Variants in ABCA9 observed in about 807,000 individuals in gnomAD.
ABCA9 encodes ATP-binding cassette sub-family A member 9.
A neutral mutation model predicts 205.3 loss-of-function variants in ABCA9; 183 were observed. The ratio of observed to expected loss-of-function variants is 0.89; its 90% CI spans 0.79 to 1.01. The LOEUF (loss-of-function observed/expected upper bound fraction) is 1.01, where lower values mean the gene tolerates loss of function less well. ABCA9 is among the 50% of genes least tolerant of loss of function. The probability of loss-of-function intolerance (pLI) is 0.00; values close to 1 mark genes in which losing one functional copy is unlikely to be tolerated. For missense variants in ABCA9, 1,805 were observed against 1,912.4 expected, an observed-to-expected ratio of 0.94 and a Z score of 1.05; for synonymous variants, 651 against 683.3, an observed-to-expected ratio of 0.95 and a Z score of 0.74.
rs550624795 is a variant in ABCA9, at chr17:69,055,207, T to C, written c.-13-4068A>G. On this transcript the variant is annotated intron_variant, in intron 1 of 38. Coordinates refer to ENST00000340001, the MANE Select transcript of ABCA9 (RefSeq NM_080283.4). ...AAATGCACCAATTAAAAGACAGAGA[T>C]TGTCAGAGTAGATGACAAAAAAGAT... Among the ~76,000 whole-genome samples, 38 of 152,206 alleles carry C rather than the reference T, an allele frequency of 2.5e-4. No individual in the cohort carries two copies. In the South Asian group the frequency reaches 7.7e-3, roughly 31 times the overall value.
At position 69,033,874 on chromosome 17, in the gene ABCA9, C is replaced by A; in HGVS notation, c.1129-1G>T. Reference sequence around the variant, plus strand: ...TCACATCATAGTCCAAATGTATAAGCTGAAAAAGAAAGATACAGTGAATTT... The same window carrying A: ...TCACATCATAGTCCAAATGTATAAGATGAAAAAGAAAGATACAGTGAATTT... On this transcript the variant is annotated splice_acceptor_variant, in intron 8 of 38. Transcript: ENST00000340001. LOFTEE classifies it high-confidence loss of function. 1.9e-6 allele frequency: 3 copies of A among 1,581,278 alleles called. No homozygotes were observed. Among genetic ancestry groups the A allele is most frequent in the Non-Finnish European group, 1.7e-6 (2 of 1,161,536 alleles).
At chr17:69,060,790 C>G (rs2072219914) in intron 1 of ABCA9, 76 bp downstream of exon 1, 1 of 907,834 alleles carries the variant, frequency 1.1e-6, no homozygotes, top group East Asian at 1.2e-4. Flanking sequence ...TCTACCTAAA[C>G]GTCTGGCATG....
the ABCA9 span, among the ~76,000 whole-genome samples, chr17:69,078,243 C>T: frequency 1.4e-5 from 2 of 143,858 alleles, no homozygotes; most frequent in Non-Finnish European, 3.0e-5. Context: ...CTCACTCTGT[C>T]ACCCAGGCTG....
chr17:69,048,587 G>A (rs2071797407), intron 3 of ABCA9, among the ~76,000 whole-genome samples: 1 of 152,164 alleles, frequency 6.6e-6, no homozygotes, highest in Non-Finnish European at 1.5e-5. Flanking sequence ...ACATGGGTGA[G>A]AGAATGAGAC....
intron 37 of ABCA9, among the ~76,000 whole-genome samples, chr17:68,979,194 T>C (rs372058043): frequency 2.0e-5 from 3 of 151,956 alleles, no homozygotes; most frequent in Admixed American, 2.0e-4. Context: ...TTGCTTCAAA[T>C]AGAATAAAAT....
At chr17:69,044,464 A>G in intron 5 of ABCA9, 33 bp downstream of exon 5, 1 of 1,574,786 alleles carries the variant, frequency 6.4e-7, no homozygotes, top group Non-Finnish European at 8.7e-7. Context: ...ATTCAAATGC[A>G]ATGTGGTTAG....
intron 37 of ABCA9, among the ~76,000 whole-genome samples, chr17:68,980,834 C>T (rs2069029003): frequency 6.6e-6 from 1 of 151,178 alleles, no homozygotes; most frequent in Non-Finnish European, 1.5e-5. Flanking sequence ...TTACTGGGTG[C>T]AGCACACCAA....
chr17:69,041,146 A>G (rs2071520308), intron 6 of ABCA9, among the ~76,000 whole-genome samples: 2 of 152,242 alleles, frequency 1.3e-5, no homozygotes, highest in African/African-American at 4.8e-5. Context: ...TATTTAAAGT[A>G]GAAAATGCCA....
intron 16 of ABCA9, 64 bp downstream of exon 16, chr17:69,026,313 T>C: frequency 1.5e-6 from 2 of 1,340,596 alleles, no homozygotes; most frequent in Non-Finnish European, 2.1e-6. Context: ...ACATTGATGC[T>C]GATACCACCT....
At position 69,018,565 on chromosome 17, in the gene ABCA9, C is replaced by T; in HGVS notation, c.2615G>A (p.Gly872Asp). Reference protein sequence around the residue: ...KSLWTILLLFGISFIPQLLEH... With the variant: ...KSLWTILLLFDISFIPQLLEH... Reference sequence around the variant, plus strand: ...CAAAAGTTGAGGGATAAAGCTAATACCAAAAAGCAATAATCTATGCAGAGG... The same window carrying T: ...CAAAAGTTGAGGGATAAAGCTAATATCAAAAAGCAATAATCTATGCAGAGG... The change falls in exon 20 of 39, where the codon GGT becomes GAT. Residue 872 changes from glycine to aspartate, a missense_variant. By Grantham distance (94) the Gly-to-Asp change is moderately conservative. Transcript: ENST00000340001. 1.9e-6 allele frequency: 3 copies of T among 1,587,828 alleles called. No homozygotes were observed. The African/African-American group carries it at 4.1e-5, about 22-fold the overall frequency.
intron 37 of ABCA9, among the ~76,000 whole-genome samples, chr17:68,976,721 C>T (rs1450549772): frequency 2.6e-5 from 4 of 152,184 alleles, no homozygotes; most frequent in Non-Finnish European, 5.9e-5. Context: ...CTCTCTTAGT[C>T]CCTCTGGACC....
At chr17:68,977,525 T>C (rs1307052411) in intron 37 of ABCA9, among the ~76,000 whole-genome samples, 1 of 152,200 alleles carries the variant, frequency 6.6e-6, no homozygotes, top group Non-Finnish European at 1.5e-5. Context: ...AATTGACCAT[T>C]TCACCTTCTA....
chr17:68,984,198 C>T (rs376492763), intron 34 of ABCA9, 23 bp from the exon 35 acceptor site: 29 of 1,611,872 alleles, frequency 1.8e-5, no homozygotes, highest in Admixed American at 3.4e-5. Flanking sequence ...CAAGAGAAAA[C>T]GTGAACTCAT....
In ABCA9 at chr17:68,993,005, A is replaced by T. The variant is rs372765186; in HGVS notation, c.3624+11T>A. The T allele has an allele frequency of 8.7e-6, 14 of 1,603,100 alleles. No individual in the cohort carries two copies. The highest frequency in any genetic ancestry group is 3.4e-5 in the Admixed American group (2 of 59,286). Reference sequence around the variant, plus strand: ...CTCATGCAAGAATGTTGAAAAAAAAAGTCTTCTTACTATTAGCAGTGCCAG... The same window carrying T: ...CTCATGCAAGAATGTTGAAAAAAAATGTCTTCTTACTATTAGCAGTGCCAG... On this transcript the variant is annotated intron_variant, in intron 27 of 38. Coordinates refer to ENST00000340001, the MANE Select transcript of ABCA9 (RefSeq NM_080283.4).
In ABCA9 at chr17:69,044,738, A is replaced by T. The variant is rs577026213; in HGVS notation, c.470-138T>A. ...AAGTCTTCTCAGTTGAGAGTTGCAG[A>T]GCACACCCAAACGGAATATAGCAGA... On this transcript the variant is annotated intron_variant, in intron 4 of 38. Coordinates refer to ENST00000340001, the MANE Select transcript of ABCA9 (RefSeq NM_080283.4). 7.6e-6 allele frequency: 5 copies of T among 657,722 alleles called. No individual in the cohort carries two copies. In the East Asian group the frequency reaches 1.4e-4, roughly 18 times the overall value. The allele number at this position is 657,722 out of a possible 1,614,324, so 40.7% of individuals were successfully genotyped here.
At chr17:69,007,937 C>A in intron 24 of ABCA9, 65 bp from the exon 25 acceptor site, 1 of 1,435,286 alleles carries the variant, frequency 7.0e-7, no homozygotes, top group Admixed American at 1.9e-5. Flanking sequence ...CATATTTACT[C>A]TTCAATTTTC....
Position 69,044,563 on chromosome 17 carries a change from T to G in ABCA9, c.507A>C (p.Glu169Asp). 2.5e-6 allele frequency: 4 copies of G among 1,613,242 alleles called. No homozygotes were observed. Among genetic ancestry groups the G allele is most frequent in the Non-Finnish European group, 3.4e-6 (4 of 1,179,550 alleles). The change falls in exon 5 of 39, where the codon GAA becomes GAC. Residue 169 changes from glutamate (E) to aspartate (D), a missense_variant. Glu to Asp is a conservative substitution (Grantham distance 45). Coordinates refer to ENST00000340001, the MANE Select transcript of ABCA9 (RefSeq NM_080283.4). ...AGCCTTTCTCCCAGAACTCTGAACC[T>G]TCACACTTCATTTTTTCATTCACTG... Reference protein sequence around the residue: ...CQAVNEKMKCEGSEFWEKGFV... With the variant: ...CQAVNEKMKCDGSEFWEKGFV...
intron 21 of ABCA9, 79 bp downstream of exon 21, chr17:69,017,577 A>G: frequency 1.3e-6 from 2 of 1,510,156 alleles, no homozygotes; most frequent in South Asian, 1.3e-5. Context: ...TTGGCCTTTC[A>G]TTCAGCTGAT....
intron 37 of ABCA9, among the ~76,000 whole-genome samples, chr17:68,980,266 A>G (rs2069006581): frequency 6.6e-6 from 1 of 152,174 alleles, no homozygotes; most frequent in East Asian, 1.9e-4. Context: ...AATGGCGATC[A>G]TTAAAAAGTC....
Sources: allele counts gnomAD v4.1 joint callset (sites outside exome capture counted in the v4.1 genomes callset), GRCh38; gene constraint gnomAD v4.1.1; transcripts MANE v1.5; gene names NCBI Gene and HGNC (gene_info 2026-07-23, HGNC 2026-07-21).